Variants in SLC8A1 observed in about 807,000 individuals in gnomAD.
The protein encoded by SLC8A1 is solute carrier family 8 member A1.
SLC8A1 carries 18 observed loss-of-function variants against 68.3 expected under a neutral mutation model. The ratio of observed to expected loss-of-function variants is 0.26; its 90% CI spans 0.18 to 0.39. SLC8A1 has a LOEUF of 0.39. Ranked by LOEUF, SLC8A1 falls within the 10% of genes least tolerant of loss-of-function variation. SLC8A1 has a pLI of 1.00. For missense variants in SLC8A1, 985 were observed against 1,156.7 expected (o/e 0.85, Z 2.15); for synonymous variants, 475 against 415.5 (o/e 1.14, Z -1.74).
intron 2 of SLC8A1, among the ~76,000 whole-genome samples, chr2:40,246,008 A>C (rs1197067345): frequency 6.6e-6 from 1 of 152,256 alleles, no homozygotes; most frequent in Non-Finnish European, 1.5e-5. Flanking sequence ...GATGTTAATC[A>C]TTATGCCATA....
chr2:40,166,083 G>C (rs440056), intron 4 of SLC8A1, among the ~76,000 whole-genome samples: 113,693 of 152,086 alleles, frequency 0.75, 43,275 homozygotes, highest in South Asian at 0.9. Context: ...AAAAAGACAT[G>C]CAATAAAAGG....
intron 6 of SLC8A1, among the ~76,000 whole-genome samples, chr2:40,141,554 C>G (rs910584678): frequency 2.6e-5 from 4 of 152,190 alleles, no homozygotes; most frequent in Admixed American, 2.0e-4. Context: ...TGAGTCAGGT[C>G]AGCTCATCAG....
intron 2 of SLC8A1, among the ~76,000 whole-genome samples, chr2:40,398,156 T>C (rs1444650712): frequency 1.3e-5 from 2 of 152,210 alleles, no homozygotes; most frequent in Non-Finnish European, 2.9e-5. Context: ...TCCAGCTTAT[T>C]TCCAATGCAA....
rs574550615 is a variant in SLC8A1, at chr2:40,189,413, C to G, written c.1809-11558G>C. Among the ~76,000 whole-genome samples, 6 of 152,300 alleles carry G rather than the reference C, an allele frequency of 3.9e-5. No homozygotes were observed. The South Asian group carries it at 1.2e-3, about 32-fold the overall frequency. The stretch of plus-strand genomic sequence containing the variant: ...TCGGCTCACTGTAACCTCTGCCTCT[C>G]AGGTTCAAGTGATTCTCCTGCCTCA... On this transcript the variant is annotated intron_variant, in intron 2 of 7. Transcript: ENST00000406785.
upstream of SLC8A1, chr2:40,453,211 C>T (rs1702760819): frequency 6.6e-6 from 1 of 152,154 alleles, no homozygotes; most frequent in Non-Finnish European, 1.5e-5. Flanking sequence ...CTGATGCAGA[C>T]TCTCCCGTTG....
intron 1 of SLC8A1, among the ~76,000 whole-genome samples, chr2:40,468,653 A>G (rs994581468): frequency 6.6e-6 from 1 of 152,132 alleles, no homozygotes; most frequent in African/African-American, 2.4e-5. Context: ...TAAATTTCAA[A>G]CATATGCAAA....
intron 2 of SLC8A1, among the ~76,000 whole-genome samples, chr2:40,294,816 A>C (rs1042670805): frequency 2.0e-5 from 3 of 152,204 alleles, no homozygotes; most frequent in Non-Finnish European, 4.4e-5. Flanking sequence ...CTTACTGTTC[A>C]TAATTTTGTT....
chr2:40,345,585 G>A (rs1185823556), intron 2 of SLC8A1, among the ~76,000 whole-genome samples: 1 of 152,092 alleles, frequency 6.6e-6, no homozygotes, highest in Non-Finnish European at 1.5e-5. Context: ...GCAAATTTGT[G>A]GTAAAGTATC....
At chr2:40,125,245 A>T (rs994260696) in intron 7 of SLC8A1, among the ~76,000 whole-genome samples, 1 of 152,214 alleles carries the variant, frequency 6.6e-6, no homozygotes, top group African/African-American at 2.4e-5. Context: ...AGCATCCTAT[A>T]TACTACACAC....
chr2:40,345,634 A>G (rs1669010814), intron 2 of SLC8A1, among the ~76,000 whole-genome samples: 1 of 152,162 alleles, frequency 6.6e-6, no homozygotes, highest in South Asian at 2.1e-4. Context: ...TGACCAGAAA[A>G]TCTGCATTTT....
intron 2 of SLC8A1, among the ~76,000 whole-genome samples, chr2:40,341,845 G>A (rs1667795537): frequency 6.6e-6 from 1 of 152,144 alleles, no homozygotes; most frequent in South Asian, 2.1e-4. Flanking sequence ...GACCATCAAG[G>A]AAGGACATTA....
At chr2:40,300,414 C>T (rs1293070670) in intron 2 of SLC8A1, among the ~76,000 whole-genome samples, 6 of 151,842 alleles carry the variant, frequency 4.0e-5, no homozygotes, top group Admixed American at 1.3e-4. Flanking sequence ...TTTAGAAGTT[C>T]GAGTGTTTAA....
chr2:40,104,479 A>G (rs1452353682), exon 8 of SLC8A1: 1 of 152,192 alleles, frequency 6.6e-6, no homozygotes, highest in African/African-American at 2.4e-5. Flanking sequence ...CAGAATGTGA[A>G]ATTAAGAAAA....
intron 6 of SLC8A1, among the ~76,000 whole-genome samples, chr2:40,154,211 G>A (rs977198782): frequency 2.0e-5 from 3 of 151,638 alleles, no homozygotes; most frequent in African/African-American, 7.3e-5. Context: ...CAGAAATAAT[G>A]CCTACAAAGT....
chr2:40,199,757 A>G (rs574940329), intron 2 of SLC8A1, among the ~76,000 whole-genome samples: 1 of 151,712 alleles, frequency 6.6e-6, no homozygotes, highest in Admixed American at 6.6e-5. Flanking sequence ...CTGATTCTAC[A>G]TGATAATTGA....
intron 1 of SLC8A1, among the ~76,000 whole-genome samples, chr2:40,492,960 A>G (rs1705420614): frequency 1.3e-5 from 2 of 152,176 alleles, no homozygotes; most frequent in Admixed American, 6.5e-5. Flanking sequence ...ATCTAGAACT[A>G]GAAATACCAT....
At chr2:40,345,213 C>A (rs1668868738) in intron 2 of SLC8A1, among the ~76,000 whole-genome samples, 1 of 152,112 alleles carries the variant, frequency 6.6e-6, no homozygotes, top group South Asian at 2.1e-4. Context: ...TGGCCACAAT[C>A]AAAGCATAGC....
intron 2 of SLC8A1, among the ~76,000 whole-genome samples, chr2:40,269,873 C>A (rs891480706): frequency 2.0e-5 from 3 of 151,832 alleles, no homozygotes; most frequent in African/African-American, 7.3e-5. Context: ...GTATATAGCA[C>A]AAAGTAAGCA....
chr2:40,351,307 C>G (rs1172811239), intron 2 of SLC8A1, among the ~76,000 whole-genome samples: 1 of 152,058 alleles, frequency 6.6e-6, no homozygotes, highest in Non-Finnish European at 1.5e-5. Flanking sequence ...TACATGATTC[C>G]TGACACCTCA....
Sources: allele counts gnomAD v4.1 joint callset (sites outside exome capture counted in the v4.1 genomes callset), GRCh38; gene constraint gnomAD v4.1.1; transcripts MANE v1.5; gene names NCBI Gene and HGNC (gene_info 2026-07-23, HGNC 2026-07-21).